Variants in TBCK observed in about 807,000 individuals in gnomAD.
TBCK encodes the protein TBC domain-containing protein kinase-like protein.
TBCK carries 99 observed loss-of-function variants against 113.4 expected under a neutral mutation model. The ratio of observed to expected loss-of-function variants is 0.87; its 90% CI spans 0.74 to 1.03. TBCK has a LOEUF of 1.03. Ranked by LOEUF, TBCK falls within the 50% of genes least tolerant of loss-of-function variation. TBCK has a pLI of 0.00. For synonymous variants in TBCK, 369 were observed against 370.8 expected, an observed-to-expected ratio of 1.00 and a Z score of 0.05; for missense variants, 1,045 against 1,061.3, an observed-to-expected ratio of 0.98 and a Z score of 0.21.
intron 19 of TBCK, among the ~76,000 whole-genome samples, chr4:106,216,738 CAA>C (rs1471700000): frequency 1.3e-5 from 2 of 151,878 alleles, no homozygotes; most frequent in African/African-American, 2.4e-5. Flanking sequence ...GCTTACCAAC[CAA>C]AAAGAGTCCA....
intron 22 of TBCK, among the ~76,000 whole-genome samples, chr4:106,174,263 A>G (rs1343371109): frequency 6.6e-6 from 1 of 152,056 alleles, no homozygotes; most frequent in Non-Finnish European, 1.5e-5. Flanking sequence ...ACTCTTTCAT[A>G]TTTACTTCTC....
rs539427742 is a variant in TBCK at position 106,070,979 on chromosome 4, C to T, written c.2572-24299G>A. Among the ~76,000 whole-genome samples the T allele has an allele frequency of 2.0e-4, 31 of 151,806 alleles. No individual in the cohort carries two copies. In the South Asian group the frequency reaches 4.4e-3, roughly 21 times the overall value. On this transcript the variant is annotated intron_variant, in intron 25 of 25. Coordinates refer to ENST00000394708, the MANE Select transcript of TBCK (RefSeq NM_001163435.3). The stretch of plus-strand genomic sequence containing the variant: ...ATGGTAGTTTGTATTTCTGTGGGAT[C>T]GGTGGTGATATCCCTTTTATTAGTC...
intron 25 of TBCK, among the ~76,000 whole-genome samples, chr4:106,069,068 C>A (rs1034606905): frequency 1.3e-5 from 2 of 152,122 alleles, no homozygotes; most frequent in Non-Finnish European, 2.9e-5. Flanking sequence ...GAGTAGATTG[C>A]AAAAATTTTC....
chr4:106,093,118 G>A (rs986698496), intron 25 of TBCK, among the ~76,000 whole-genome samples: 7 of 152,178 alleles, frequency 4.6e-5, no homozygotes, highest in Admixed American at 2.6e-4. Flanking sequence ...AAAGATAGGT[G>A]AGTGATTTAT....
At chr4:106,237,226 A>C (rs1007559840) in intron 12 of TBCK, among the ~76,000 whole-genome samples, 1 of 152,128 alleles carries the variant, frequency 6.6e-6, no homozygotes, top group African/African-American at 2.4e-5. Flanking sequence ...CTTTGGCATA[A>C]TACAAGCTAA....
intron 24 of TBCK, among the ~76,000 whole-genome samples, chr4:106,107,737 G>A (rs1742339726): frequency 6.6e-6 from 1 of 151,970 alleles, no homozygotes; most frequent in African/African-American, 2.4e-5. Flanking sequence ...AGAGAAGTGA[G>A]AACAAAACAA....
chr4:106,161,470 T>C (rs1035162355), intron 23 of TBCK, among the ~76,000 whole-genome samples: 5 of 152,022 alleles, frequency 3.3e-5, no homozygotes, highest in Non-Finnish European at 2.9e-5. Context: ...TTATAAATGA[T>C]TGTGCAGAGA....
chr4:106,247,211 CA>C lies in TBCK; in HGVS notation c.858del (p.Ala287ProfsTer8). ...VSPLYTPFTK[P>X]ASLFSSSLRC... ...CTCAGAGAAGATGAAAACAGACTGG[CA>C]GGTTTGGTAAAGGGGGTATATAAAG... On this transcript the variant is annotated frameshift_variant, in exon 10 of 26. Transcript: ENST00000394708. LOFTEE classifies it high-confidence loss of function. 2 of 1,613,322 alleles carry C rather than the reference CA, an allele frequency of 1.2e-6. No homozygotes were observed. Among genetic ancestry groups the C allele is most frequent in the Non-Finnish European group, 1.7e-6 (2 of 1,179,598 alleles).
At chr4:106,182,746 T>C (rs1752550936) in intron 22 of TBCK, 1 of 152,082 alleles carries the variant, frequency 6.6e-6, no homozygotes, top group African/African-American at 2.4e-5. Context: ...TTCCTTATCT[T>C]ATTAGTGGAG....
Position 106,052,937 on chromosome 4 carries a change from T to C in TBCK, c.2572-6257A>G, listed in dbSNP as rs1430103181. On this transcript the variant is annotated intron_variant, in intron 25 of 25. Transcript: ENST00000394708. ...TATTTTATCATTTCATACATAAACA[T>C]GTATCACTGAAATAACAGGATTTAA... 2.0e-5 allele frequency among the ~76,000 whole-genome samples: 3 copies of C among 151,826 alleles called. No individual in the cohort carries two copies. The East Asian group carries it at 5.8e-4, about 29-fold the overall frequency.
At chr4:106,279,205 C>T (rs73838197) in intron 3 of TBCK, among the ~76,000 whole-genome samples, 2,771 of 152,230 alleles carry the variant, frequency 0.018, 78 homozygotes, top group African/African-American at 0.061. Flanking sequence ...GAAGTTTCCT[C>T]GCTAACTGAA....
intron 19 of TBCK, among the ~76,000 whole-genome samples, chr4:106,226,517 A>C (rs1758261540): frequency 6.6e-6 from 1 of 152,208 alleles, no homozygotes; most frequent in Non-Finnish European, 1.5e-5. Context: ...ATTTAGCCCA[A>C]CACTGTATAT....
intron 19 of TBCK, among the ~76,000 whole-genome samples, chr4:106,215,096 T>G (rs1756704796): frequency 6.6e-6 from 1 of 151,100 alleles, no homozygotes; most frequent in Non-Finnish European, 1.5e-5. Context: ...CAACCTAGAA[T>G]TTCATATCCA....
Position 106,150,848 on chromosome 4 carries a change from G to C in TBCK, c.2235+20247C>G, listed in dbSNP as rs545478205. On this transcript the variant is annotated intron_variant, in intron 23 of 25. Transcript: ENST00000394708. ...TTTGTTGAAATGAGAGTTAACACTAGTATAACCTTTTTTGTAGTAACTACA... is the reference window on the plus strand; with the variant it reads ...TTTGTTGAAATGAGAGTTAACACTACTATAACCTTTTTTGTAGTAACTACA... Among the ~76,000 whole-genome samples the C allele has an allele frequency of 2.4e-4, 36 of 152,118 alleles. 1 individual carries two copies. The South Asian group carries it at 6.2e-3, about 26-fold the overall frequency.
chr4:106,245,001 C>T (rs1453496969), intron 10 of TBCK, among the ~76,000 whole-genome samples: 1 of 152,080 alleles, frequency 6.6e-6, no homozygotes, highest in African/African-American at 2.4e-5. Flanking sequence ...GGACATAGGA[C>T]AAACTTCTGT....
intron 3 of TBCK, among the ~76,000 whole-genome samples, chr4:106,273,917 A>T (rs1350213495): frequency 6.6e-6 from 1 of 152,224 alleles, no homozygotes; most frequent in African/African-American, 2.4e-5. Flanking sequence ...AAATGTTCCA[A>T]CTTTCCATCA....
intron 3 of TBCK, among the ~76,000 whole-genome samples, chr4:106,267,766 T>C (rs1213058659): frequency 6.6e-6 from 1 of 152,008 alleles, no homozygotes; most frequent in Admixed American, 6.6e-5. Context: ...GTTGGTATAA[T>C]CCCAAGTATA....
intron 5 of TBCK, among the ~76,000 whole-genome samples, chr4:106,258,192 C>T (rs1459978710): frequency 6.6e-6 from 1 of 151,948 alleles, no homozygotes; most frequent in African/African-American, 2.4e-5. Context: ...CACTCAAAGA[C>T]AATTACCAGA....
chr4:106,244,805 CTACTTT>C (rs1276411716), intron 10 of TBCK, 41 bp from the exon 11 acceptor site: 1 of 1,315,110 alleles, frequency 7.6e-7, no homozygotes, highest in South Asian at 1.5e-5. Context: ...ATTATATTTT[CTACTTT>C]TATTAAACGT....
Sources: gnomAD v4.1 joint callset for allele counts (sites outside exome capture counted in the v4.1 genomes callset) on GRCh38, gnomAD v4.1.1 for gene constraint, MANE v1.5 for transcripts, NCBI Gene and HGNC (gene_info 2026-07-23, HGNC 2026-07-21) for gene names.